PIEZO2: variants seen among roughly 807,000 people sequenced by gnomAD.
PIEZO2 encodes the protein piezo-type mechanosensitive ion channel component 2.
PIEZO2 carries 172 observed loss-of-function variants against 337.3 expected under a neutral mutation model. The ratio of observed to expected loss-of-function variants is 0.51; its 90% CI spans 0.45 to 0.58. The LOEUF (loss-of-function observed/expected upper bound fraction) is 0.58, where lower values mean the gene tolerates loss of function less well. Among genes scored for constraint, PIEZO2 ranks in the 20% least tolerant of loss-of-function variants. The pLI is 0.00. For synonymous variants in PIEZO2, 1,251 were observed against 1,228.5 expected (o/e 1.02, Z -0.38); for missense variants, 3,028 against 3,391.3 (o/e 0.89, Z 2.66).
At position 10,702,101 on chromosome 18, in the gene PIEZO2, T is replaced by C. The variant is rs1290354727; in HGVS notation, c.6329A>G (p.Lys2110Arg). 2.6e-6 allele frequency: 4 copies of C among 1,537,050 alleles called. No homozygotes were observed. In the East Asian group the frequency reaches 9.8e-5, roughly 38 times the overall value. ...FPWNKNVEVN[K>R]DKPYHPPNII... is the part of the protein sequence containing the mutation. Reference sequence around the variant, plus strand: ...GTTTGGGGGGTGATACGGTTTATCTTTGTTCACCTCCACATTCTTATTCCA... The same window carrying C: ...GTTTGGGGGGTGATACGGTTTATCTCTGTTCACCTCCACATTCTTATTCCA... The change falls in exon 43 of 56, where the codon AAA becomes AGA. Residue 2110 changes from lysine (K) to arginine (R), a missense_variant. By Grantham distance (26) the Lys-to-Arg change is conservative. This residue lies in a region of PIEZO2 where 1,925 missense variants were observed against 2,051.9 expected (regional missense o/e 0.94). Transcript: ENST00000674853.
intron 43 of PIEZO2, among the ~76,000 whole-genome samples, chr18:10,701,213 A>G (rs1443269469): frequency 1.3e-5 from 2 of 152,254 alleles, no homozygotes; most frequent in Admixed American, 1.3e-4. Flanking sequence ...AGGTTGTAAC[A>G]AGAGGTATAT....
At chr18:11,005,709 T>G (rs960501490) in intron 2 of PIEZO2, among the ~76,000 whole-genome samples, 1 of 152,212 alleles carries the variant, frequency 6.6e-6, no homozygotes, top group African/African-American at 2.4e-5. Flanking sequence ...TTCTTGTTTT[T>G]CCCACAAAGA....
In PIEZO2 at chr18:10,916,237, T is replaced by C. The variant is rs186528622; in HGVS notation, c.287-5009A>G. Among the ~76,000 whole-genome samples the C allele has an allele frequency of 1.5e-3, 222 of 152,294 alleles. 1 individual carries two copies. The highest frequency in any genetic ancestry group is 4.6e-3 in the Admixed American group (70 of 15,302). On this transcript the variant is annotated intron_variant, in intron 3 of 55. Coordinates refer to ENST00000674853, the MANE Select transcript of PIEZO2 (RefSeq NM_001378183.1). ...CAGGAGCCCAGCTGGCTTCGCCTAGTGGATCCCATGCCAGGGCCGCAGGCA... is the reference window on the plus strand; with the variant it reads ...CAGGAGCCCAGCTGGCTTCGCCTAGCGGATCCCATGCCAGGGCCGCAGGCA...
rs1323859328 is a variant in PIEZO2, at chr18:11,038,200, A to G, written c.160+27927T>C. ...TCTCTAGGTCCTAGTCACCAGAACC[A>G]CTATACAGTAACACAGCCATAAAAA... On this transcript the variant is annotated intron_variant, in intron 2 of 55. Transcript: ENST00000674853. This position sits in a 1 kb window ranked among gnomAD's most constrained non-coding sequence, Gnocchi z 4.1. Among the ~76,000 whole-genome samples the G allele has an allele frequency of 3.9e-5, 6 of 152,102 alleles. No homozygotes were observed. The highest frequency in any genetic ancestry group is 4.4e-5 in the Non-Finnish European group (3 of 68,000).
At chr18:10,900,326 T>C (rs1219774093) in intron 4 of PIEZO2, among the ~76,000 whole-genome samples, 1 of 152,118 alleles carries the variant, frequency 6.6e-6, no homozygotes, top group Admixed American at 6.5e-5. Context: ...AATTGATCAA[T>C]TGCATAGGGA....
chr18:10,848,076 C>T (rs943608899), intron 7 of PIEZO2, among the ~76,000 whole-genome samples: 2 of 152,220 alleles, frequency 1.3e-5, no homozygotes, highest in African/African-American at 4.8e-5. Flanking sequence ...CAATGCAAGA[C>T]AGGCACACTC....
At chr18:10,880,897 AT>A (rs2042401004) in intron 4 of PIEZO2, among the ~76,000 whole-genome samples, 1 of 96,082 alleles carries the variant, frequency 1.0e-5, no homozygotes, top group Non-Finnish European at 2.2e-5. Context: ...ATATATATAT[AT>A]ATAATTTTGA....
At chr18:10,769,117 G>A (rs2038487282) in intron 21 of PIEZO2, among the ~76,000 whole-genome samples, 2 of 152,148 alleles carry the variant, frequency 1.3e-5, no homozygotes, top group Non-Finnish European at 2.9e-5. Context: ...CCCTAACCCT[G>A]AAATTTTTAT....
Position 10,855,469 on chromosome 18 carries a change from C to G in PIEZO2, c.801G>C (p.Leu267=). The G allele has an allele frequency of 6.5e-7, 1 of 1,537,140 alleles. No individual in the cohort carries two copies. ...CCAGCAGAACACAGAGACAGCTGAA[C>G]AGCAATGGGTCGAACGTCCGGCACC... ...WSWCRTFDPL[L]FSCLCVLLAI... is the part of the protein sequence containing the mutation. Residue 267 remains leucine, a synonymous_variant, in exon 7 of 56, where the codon CTG becomes CTC. Transcript: ENST00000674853. The surrounding 1 kb of genome is among the most constrained non-coding windows in gnomAD (Gnocchi z 4.9).
In PIEZO2 at chr18:11,112,242, T is replaced by A. The variant is rs1260695087; in HGVS notation, c.64+36283A>T. 6.6e-6 allele frequency among the ~76,000 whole-genome samples: 1 copy of A among 152,206 alleles called. No individual in the cohort carries two copies. The highest frequency in any genetic ancestry group is 1.5e-5 in the Non-Finnish European group (1 of 68,036). ...ATTCGGATATTTGTAAAGATAACGG[T>A]GACTTTTCAAGTTCTGAATACCAAC... is the stretch of plus-strand genomic sequence containing the variant. On this transcript the variant is annotated intron_variant, in intron 1 of 55. Coordinates refer to ENST00000674853, the MANE Select transcript of PIEZO2 (RefSeq NM_001378183.1). The surrounding 1 kb of genome is among the most constrained non-coding windows in gnomAD (Gnocchi z 4.3).
At chr18:11,091,186 A>C (rs747692138) in intron 1 of PIEZO2, among the ~76,000 whole-genome samples, 26 of 151,866 alleles carry the variant, frequency 1.7e-4, no homozygotes, top group Admixed American at 3.9e-4. Flanking sequence ...GAGTTGAAGA[A>C]CAGCCTGGCC....
chr18:10,720,875 CT>C (rs1481122853), intron 36 of PIEZO2, among the ~76,000 whole-genome samples: 1 of 152,182 alleles, frequency 6.6e-6, no homozygotes, highest in African/African-American at 2.4e-5. Context: ...ACCAGCTAAG[CT>C]GACCTGCTCT....
intron 2 of PIEZO2, among the ~76,000 whole-genome samples, chr18:11,053,628 T>C (rs1484599173): frequency 6.6e-6 from 1 of 152,232 alleles, no homozygotes; most frequent in Non-Finnish European, 1.5e-5. Context: ...TTTTCCATAT[T>C]GCATCTGTTT....
At chr18:11,062,035 A>G (rs2145900747) in intron 2 of PIEZO2, among the ~76,000 whole-genome samples, 1 of 152,338 alleles carries the variant, frequency 6.6e-6, no homozygotes, top group Admixed American at 6.5e-5. Context: ...TAACCAAAAC[A>G]GCATGGTACT....
chr18:10,896,768 A>G (rs1010680821), intron 4 of PIEZO2, among the ~76,000 whole-genome samples: 2 of 152,150 alleles, frequency 1.3e-5, no homozygotes, highest in East Asian at 1.9e-4. Flanking sequence ...TAGTTCACTG[A>G]TCCTTGCTGT....
chr18:10,974,703 C>G (rs1177100494), intron 3 of PIEZO2, among the ~76,000 whole-genome samples: 1 of 152,148 alleles, frequency 6.6e-6, no homozygotes, highest in Non-Finnish European at 1.5e-5. Flanking sequence ...CTCTAGAGCC[C>G]GTTTCTTCAT....
intron 2 of PIEZO2, among the ~76,000 whole-genome samples, chr18:11,064,678 G>A (rs2038094019): frequency 6.6e-6 from 1 of 152,114 alleles, no homozygotes; most frequent in Non-Finnish European, 1.5e-5. Context: ...AAAAGTCAGG[G>A]GTTGTCACAG....
At chr18:10,822,364 G>A (rs769096532) in intron 7 of PIEZO2, among the ~76,000 whole-genome samples, 3 of 152,142 alleles carry the variant, frequency 2.0e-5, no homozygotes, top group Non-Finnish European at 4.4e-5. Flanking sequence ...TCCCAATAAA[G>A]TTGGTATTCT....
rs1197080893 is a variant in PIEZO2, at chr18:10,824,011, GGTC to G, written c.918-16740_918-16738del. 6.6e-6 allele frequency among the ~76,000 whole-genome samples: 1 copy of G among 152,112 alleles called. No homozygotes were observed. The highest frequency in any genetic ancestry group is 2.4e-5 in the African/African-American group (1 of 41,412). On this transcript the variant is annotated intron_variant, in intron 7 of 55. Transcript: ENST00000674853. This position sits in a 1 kb window ranked among gnomAD's most constrained non-coding sequence, Gnocchi z 4.4. ...CCTTCTTCCTCAAGCCTTATCCTAA[GGTC>G]AGTGTATATCATTCCCATGAATATT...
Sources: gnomAD v4.1 joint callset for allele counts (sites outside exome capture counted in the v4.1 genomes callset) on GRCh38, gnomAD v4.1.1 for gene constraint, gnomAD v4.1.1 regional missense constraint, Gnocchi (gnomAD v3.1) non-coding constraint, MANE v1.5 for transcripts, NCBI Gene and HGNC (gene_info 2026-07-23, HGNC 2026-07-21) for gene names.